PPFIBP2: variants seen among roughly 807,000 people sequenced by gnomAD.
The protein encoded by PPFIBP2 is PPFIB scaffold protein 2, also known as liprin-beta-2.
Under a neutral mutation model 118.3 loss-of-function variants are expected in PPFIBP2, and 118 were observed. That is an observed-to-expected ratio of 1.00 (90% CI 0.86 to 1.16). The LOEUF is 1.16. Ranked by LOEUF, PPFIBP2 falls within the 50% of genes most tolerant of loss-of-function variation. The pLI is 0.00. For missense variants in PPFIBP2, 1,195 were observed against 1,073.1 expected (o/e 1.11, Z -1.59); for synonymous variants, 414 against 397.4 (o/e 1.04, Z -0.50).
chr11:7,573,187 A>G (rs753112563), intron 3 of PPFIBP2, among the ~76,000 whole-genome samples: 27 of 152,324 alleles, frequency 1.8e-4, no homozygotes, highest in Admixed American at 4.6e-4. Context: ...GCACAACAGC[A>G]GGCCCCATAC....
At chr11:7,629,365 C>T in intron 9 of PPFIBP2, 94 bp from the exon 10 acceptor site, 3 of 1,226,242 alleles carry the variant, frequency 2.4e-6, no homozygotes, top group South Asian at 2.4e-5. Context: ...GGGATTTCTT[C>T]TCCTTGTGCC....
chr11:7,645,044 A>G (rs1157734654), intron 17 of PPFIBP2, among the ~76,000 whole-genome samples: 3 of 150,666 alleles, frequency 2.0e-5, no homozygotes, highest in Non-Finnish European at 3.0e-5. Context: ...AAAAAAAAAA[A>G]AAAAAAAAAA....
intron 17 of PPFIBP2, among the ~76,000 whole-genome samples, chr11:7,647,952 G>T (rs1853359231): frequency 6.6e-6 from 1 of 151,726 alleles, no homozygotes; most frequent in Non-Finnish European, 1.5e-5. Context: ...TGGGTGTTTT[G>T]TTTTTTTTCT....
At chr11:7,619,053 C>T (rs918357928) in intron 6 of PPFIBP2, among the ~76,000 whole-genome samples, 10 of 152,148 alleles carry the variant, frequency 6.6e-5, no homozygotes. Flanking sequence ...TAAATAATGA[C>T]TTAAGTTTCA....
At chr11:7,621,143 G>T (rs1849304042) in intron 7 of PPFIBP2, 116 bp downstream of exon 7, 2 of 751,292 alleles carry the variant, frequency 2.7e-6, no homozygotes, top group Non-Finnish European at 4.6e-6. Context: ...CAACCCTCCA[G>T]TGTGGACACA....
chr11:7,567,215 G>A (rs1251878020), intron 3 of PPFIBP2, among the ~76,000 whole-genome samples: 1 of 152,048 alleles, frequency 6.6e-6, no homozygotes, highest in African/African-American at 2.4e-5. Flanking sequence ...GTAAGTTTAT[G>A]GTTTGATTTT....
chr11:7,606,195 A>G (rs542873553), intron 5 of PPFIBP2, among the ~76,000 whole-genome samples: 4 of 152,088 alleles, frequency 2.6e-5, no homozygotes, highest in South Asian at 4.1e-4. Context: ...ACAGTGTTCT[A>G]TAAGTTGGGT....
At chr11:7,543,133 T>C (rs1453845712) in intron 1 of PPFIBP2, among the ~76,000 whole-genome samples, 1 of 152,250 alleles carries the variant, frequency 6.6e-6, no homozygotes, top group Admixed American at 6.5e-5. Context: ...ATATCTGTCT[T>C]TGTCCTTTTT....
chr11:7,593,592 T>G (rs1438034318), intron 4 of PPFIBP2, among the ~76,000 whole-genome samples: 2 of 152,144 alleles, frequency 1.3e-5, no homozygotes, highest in Non-Finnish European at 1.5e-5. Context: ...CTCATGCCAC[T>G]AATAAAACAG....
At chr11:7,627,543 G>C (rs934940152) in intron 8 of PPFIBP2, among the ~76,000 whole-genome samples, 1 of 151,864 alleles carries the variant, frequency 6.6e-6, no homozygotes, top group African/African-American at 2.4e-5. Context: ...CCAATTCCTA[G>C]AGTATCTGGC....
intron 6 of PPFIBP2, among the ~76,000 whole-genome samples, chr11:7,619,837 G>C (rs1849128360): frequency 6.6e-6 from 1 of 152,228 alleles, no homozygotes; most frequent in Non-Finnish European, 1.5e-5. Context: ...GGGGAGTTGA[G>C]CATTCCACTT....
intron 1 of PPFIBP2, among the ~76,000 whole-genome samples, chr11:7,531,579 A>G (rs1019429372): frequency 3.3e-5 from 5 of 152,198 alleles, no homozygotes; most frequent in African/African-American, 9.7e-5. Flanking sequence ...AGGGAAGGGG[A>G]ACACCAGTGG....
the PPFIBP2 span, chr11:7,666,474 T>C: frequency 1.9e-6 from 3 of 1,612,970 alleles, no homozygotes; most frequent in East Asian, 4.5e-5. Context: ...GTCCAGGGTG[T>C]ACCACAGGTT....
At chr11:7,519,119 A>T (rs113176837) in intron 1 of PPFIBP2, among the ~76,000 whole-genome samples, 6,754 of 152,124 alleles carry the variant, frequency 0.044, 212 homozygotes, top group Non-Finnish European at 0.072. Context: ...GGCTGGGAAG[A>T]TGGCAGCTGA....
chr11:7,524,947 C>A (rs188114624), intron 1 of PPFIBP2, among the ~76,000 whole-genome samples: 33 of 152,328 alleles, frequency 2.2e-4, no homozygotes, highest in African/African-American at 7.5e-4. Context: ...ACATCTGGTT[C>A]TTGGATGCAT....
chr11:7,655,072 G>A (rs34796211), downstream of PPFIBP2, among the ~76,000 whole-genome samples: 32,500 of 152,068 alleles, frequency 0.21, 3,515 homozygotes, highest in Middle Eastern at 0.26. Flanking sequence ...CTAGCATCCT[G>A]AAGGCCTTCA....
In PPFIBP2 at chr11:7,550,074, A is replaced by T. The variant is rs933895679; in HGVS notation, c.64+535A>T. On this transcript the variant is annotated intron_variant, in intron 2 of 23. Transcript: ENST00000299492. The stretch of plus-strand genomic sequence containing the variant: ...TAATATTTGCATTAGCCAGTAGGGG[A>T]CTTTTTCTTAGAAAAGATCTAGCAA... Among the ~76,000 whole-genome samples, 4 of 152,190 alleles carry T rather than the reference A, an allele frequency of 2.6e-5. No individual in the cohort carries two copies. The East Asian group carries it at 7.7e-4, about 29-fold the overall frequency.
rs112515022 is a variant in PPFIBP2 at position 7,524,163 on chromosome 11, G to A, written c.-37+10042G>A. On this transcript the variant is annotated intron_variant, in intron 1 of 23. Coordinates refer to ENST00000299492, the MANE Select transcript of PPFIBP2 (RefSeq NM_003621.5). ...GTGTGAGAGAGAGAGAGAGAGTTGT[G>A]TAGGAATCAAGAGGTTTGTAATAGG... is the stretch of plus-strand genomic sequence containing the variant. Among the ~76,000 whole-genome samples the A allele has an allele frequency of 3.5e-3, 533 of 152,122 alleles. 4 individuals are homozygous for A. Among genetic ancestry groups the A allele is most frequent in the African/African-American group, 0.012 (513 of 41,512 alleles).
intron 5 of PPFIBP2, chr11:7,597,971 G>A (rs145347821): frequency 1.5e-3 from 461 of 301,394 alleles, no homozygotes; most frequent in African/African-American, 9.2e-3. Flanking sequence ...GCTCGGCTGG[G>A]GGCCTCACCC....
Sources: gnomAD v4.1 joint callset for allele counts (sites outside exome capture counted in the v4.1 genomes callset) on GRCh38, gnomAD v4.1.1 for gene constraint, MANE v1.5 for transcripts, NCBI Gene and HGNC (gene_info 2026-07-23, HGNC 2026-07-21) for gene names.